FBXO10: variants seen among roughly 807,000 people sequenced by gnomAD.
FBXO10 encodes F-box protein 10.
Under a neutral mutation model 80.7 loss-of-function variants are expected in FBXO10, and 39 were observed. The observed-to-expected ratio is 0.48, with a 90% CI of 0.37 to 0.63. The LOEUF (loss-of-function observed/expected upper bound fraction) is 0.63. FBXO10 is among the 30% of genes least tolerant of loss of function. FBXO10 has a pLI of 0.00. For synonymous variants in FBXO10, 449 were observed against 489.6 expected (o/e 0.92, Z 1.09); for missense variants, 1,025 against 1,269.0 (o/e 0.81, Z 2.92).
chr9:37,524,889 G>A (rs2119073877), intron 6 of FBXO10, among the ~76,000 whole-genome samples: 1 of 152,334 alleles, frequency 6.6e-6, no homozygotes, highest in Middle Eastern at 3.4e-3. Context: ...TGTCGGCTCT[G>A]GGCCTGGAAG....
At chr9:37,518,941 G>T (rs1304746654) in intron 8 of FBXO10, among the ~76,000 whole-genome samples, 1 of 145,034 alleles carries the variant, frequency 6.9e-6, no homozygotes, top group Non-Finnish European at 1.5e-5. Flanking sequence ...ACGGAGTCTC[G>T]CTCTGTCGCC....
chr9:37,536,425 G>A (rs12553680), intron 3 of FBXO10, among the ~76,000 whole-genome samples: 9,940 of 152,172 alleles, frequency 0.065, 419 homozygotes, highest in South Asian at 0.12. Context: ...GTCCTGTGGT[G>A]CCCTAAGTCC....
rs1821922472 is a variant in FBXO10, at chr9:37,541,632, C to T, written c.137G>A (p.Arg46Gln). The change falls in exon 2 of 11, where the codon CGG becomes CAG. Residue 46 changes from arginine to glutamine, a missense_variant. Arg to Gln is a conservative substitution (Grantham distance 43). Transcript: ENST00000432825. Reference sequence around the variant, plus strand: ...CTCGGTGCAACCCAGACACAGCTGCCGCCAGCGGGTGCTGTCGAGACTGAG... The same window carrying T: ...CTCGGTGCAACCCAGACACAGCTGCTGCCAGCGGGTGCTGTCGAGACTGAG... The part of the protein sequence containing the change: ...LILSLDSTRW[R>Q]QLCLGCTECR... The T allele has an allele frequency of 3.1e-6, 5 of 1,613,752 alleles. No homozygotes were observed. Among genetic ancestry groups the T allele is most frequent in the African/African-American group, 1.3e-5 (1 of 74,930 alleles).
At chr9:37,564,189 G>A (rs998414704) in intron 1 of FBXO10, among the ~76,000 whole-genome samples, 1 of 152,274 alleles carries the variant, frequency 6.6e-6, no homozygotes, top group African/African-American at 2.4e-5. Context: ...CTTCCACATA[G>A]TGTTGAGCCT....
intron 1 of FBXO10, among the ~76,000 whole-genome samples, chr9:37,545,912 G>A (rs988951171): frequency 2.0e-5 from 3 of 152,100 alleles, no homozygotes; most frequent in Non-Finnish European, 4.4e-5. Context: ...TTTGGGAGGC[G>A]GAGGTGGGTG....
chr9:37,548,628 A>T (rs1280545362), intron 1 of FBXO10, among the ~76,000 whole-genome samples: 1 of 151,446 alleles, frequency 6.6e-6, no homozygotes, highest in East Asian at 1.9e-4. Context: ...CTCCCTCTCT[A>T]CCCCAGATAC....
chr9:37,525,590 C>T (rs947606968), intron 5 of FBXO10, among the ~76,000 whole-genome samples: 1 of 151,914 alleles, frequency 6.6e-6, no homozygotes, highest in Non-Finnish European at 1.5e-5. Flanking sequence ...TGCTCTGTTG[C>T]CCATGCTGGA....
rs369690304 is a variant in FBXO10 at position 37,556,206 on chromosome 9, C to A, written c.-6-14432G>T. On this transcript the variant is annotated intron_variant, in intron 1 of 10. Transcript: ENST00000432825. ...CTTGTCAATCCTTATGCCAGCACCA[C>A]AGTATCACCACATTTTTGACACTTT... Among the ~76,000 whole-genome samples, 95 of 152,292 alleles carry A rather than the reference C, an allele frequency of 6.2e-4. 1 individual carries two copies. The East Asian group carries it at 0.011, about 17-fold the overall frequency.
chr9:37,546,356 C>T (rs1822055462), intron 1 of FBXO10, among the ~76,000 whole-genome samples: 1 of 151,188 alleles, frequency 6.6e-6, no homozygotes, highest in Non-Finnish European at 1.5e-5. Context: ...AAGTGAATAG[C>T]ACAGAGGGGG....
intron 1 of FBXO10, among the ~76,000 whole-genome samples, chr9:37,571,763 A>G (rs1480360807): frequency 1.5e-5 from 2 of 131,452 alleles, no homozygotes; most frequent in African/African-American, 6.2e-5. Context: ...TTATTGAAAA[A>G]TCAATTTAAA....
intron 1 of FBXO10, among the ~76,000 whole-genome samples, chr9:37,560,870 C>T (rs893918058): frequency 3.3e-5 from 5 of 152,186 alleles, no homozygotes; most frequent in South Asian, 2.1e-4. Flanking sequence ...TTGCTGGGCG[C>T]GGTGGCTCAT....
chr9:37,540,963 C>T (rs1465084984), intron 2 of FBXO10, among the ~76,000 whole-genome samples: 1 of 152,176 alleles, frequency 6.6e-6, no homozygotes, highest in African/African-American at 2.4e-5. Flanking sequence ...GTTCCAAGCC[C>T]AAGCCATTTT....
At chr9:37,543,951 G>A (rs1379596388) in intron 1 of FBXO10, among the ~76,000 whole-genome samples, 1 of 152,164 alleles carries the variant, frequency 6.6e-6, no homozygotes, top group African/African-American at 2.4e-5. Context: ...CCAACATGGT[G>A]AAACTTTGCC....
At position 37,529,168 on chromosome 9, in the gene FBXO10, C is replaced by T. The variant is rs376935800; in HGVS notation, c.1662G>A (p.Lys554=). ...GGTACAGGATGTAAATGCCAGCCTC[C>T]TTATTGGAAAAGATTTGATTGTTCC... ...IIRNNQIFSN[K]EAGIYILYHG... The change falls in exon 5 of 11, where the codon AAG becomes AAA. Residue 554 remains lysine, a synonymous_variant. Transcript: ENST00000432825. The T allele has an allele frequency of 3.1e-6, 5 of 1,613,850 alleles. No individual in the cohort carries two copies. The African/African-American group carries it at 6.7e-5, about 22-fold the overall frequency.
chr9:37,568,585 G>C (rs919859664), intron 1 of FBXO10, among the ~76,000 whole-genome samples: 1 of 152,116 alleles, frequency 6.6e-6, no homozygotes, highest in Admixed American at 6.5e-5. Flanking sequence ...TTTTCTCTCT[G>C]TAGGCTAGTA....
At chr9:37,550,541 C>T (rs564623522) in intron 1 of FBXO10, among the ~76,000 whole-genome samples, 1 of 150,016 alleles carries the variant, frequency 6.7e-6, no homozygotes, top group Admixed American at 6.7e-5. Flanking sequence ...AGTGCAGTGG[C>T]GCAATCTTGG....
chr9:37,525,025 G>C, intron 6 of FBXO10, 77 bp downstream of exon 6: 1 of 1,260,662 alleles, frequency 7.9e-7, no homozygotes, highest in Non-Finnish European at 1.1e-6. Flanking sequence ...AAGGAGCAGT[G>C]TGAGGTCCTG....
At chr9:37,544,164 G>T (rs998139078) in intron 1 of FBXO10, among the ~76,000 whole-genome samples, 7 of 152,230 alleles carry the variant, frequency 4.6e-5, no homozygotes, top group African/African-American at 1.4e-4. Context: ...AGCAACTCAG[G>T]AGGCTGAGAC....
intron 4 of FBXO10, among the ~76,000 whole-genome samples, chr9:37,530,624 T>C (rs1411828693): frequency 1.3e-5 from 2 of 152,184 alleles, no homozygotes; most frequent in Non-Finnish European, 2.9e-5. Flanking sequence ...TATTTTCTTT[T>C]TCTTTTTTTG....
Sources: gnomAD v4.1 joint callset for allele counts (sites outside exome capture counted in the v4.1 genomes callset) on GRCh38, gnomAD v4.1.1 for gene constraint, MANE v1.5 for transcripts, NCBI Gene and HGNC (gene_info 2026-07-23, HGNC 2026-07-21) for gene names.